Variants in UBE2E2 observed in about 807,000 individuals in gnomAD.
UBE2E2 encodes ubiquitin-conjugating enzyme E2 E2.
A neutral mutation model predicts 24.7 loss-of-function variants in UBE2E2; 6 were observed. The ratio of observed to expected loss-of-function variants is 0.24; its 90% CI spans 0.13 to 0.48. The LOEUF (loss-of-function observed/expected upper bound fraction) is 0.48, where lower values mean the gene tolerates loss of function less well. Among genes scored for constraint, UBE2E2 ranks in the 20% least tolerant of loss-of-function variants. The pLI is 0.99. For missense variants in UBE2E2, 169 were observed against 245.0 expected, an observed-to-expected ratio of 0.69 and a Z score of 2.07; for synonymous variants, 104 against 83.6, an observed-to-expected ratio of 1.24 and a Z score of -1.33.
intron 3 of UBE2E2, among the ~76,000 whole-genome samples, chr3:23,360,050 C>T (rs1696068795): frequency 6.6e-6 from 1 of 152,212 alleles, no homozygotes; most frequent in African/African-American, 2.4e-5. Context: ...ATTAGTTTTC[C>T]TTGGCAGTCT....
chr3:23,514,303 G>A (rs562269610), intron 4 of UBE2E2, among the ~76,000 whole-genome samples: 10 of 152,232 alleles, frequency 6.6e-5, no homozygotes, highest in South Asian at 6.2e-4. Context: ...TCTTTCTCAC[G>A]TTACCTTCTA....
chr3:23,225,765 T>A (rs772501828), intron 3 of UBE2E2, among the ~76,000 whole-genome samples: 8 of 152,198 alleles, frequency 5.3e-5, no homozygotes, highest in Non-Finnish European at 1.2e-4. Context: ...TTGTCTTAAC[T>A]CATTAGGTAA....
chr3:23,355,786 C>T (rs1695928304), intron 3 of UBE2E2, among the ~76,000 whole-genome samples: 1 of 152,112 alleles, frequency 6.6e-6, no homozygotes, highest in Non-Finnish European at 1.5e-5. Context: ...TTTTCTATAA[C>T]AGTTATTAAA....
chr3:23,558,429 T>C (rs1051278251), intron 5 of UBE2E2, among the ~76,000 whole-genome samples: 4 of 152,198 alleles, frequency 2.6e-5, no homozygotes, highest in East Asian at 1.9e-4. Context: ...TCTTTACAGC[T>C]TGATGCCCGA....
At chr3:23,224,940 T>G (rs1263480323) in intron 3 of UBE2E2, among the ~76,000 whole-genome samples, 1 of 151,984 alleles carries the variant, frequency 6.6e-6, no homozygotes, top group East Asian at 1.9e-4. Flanking sequence ...CTCCACAACT[T>G]TGGCAGCACT....
At chr3:23,573,225 A>G (rs546197538) in intron 5 of UBE2E2, among the ~76,000 whole-genome samples, 1 of 152,364 alleles carries the variant, frequency 6.6e-6, no homozygotes, top group East Asian at 1.9e-4. Flanking sequence ...GATAAAGTTA[A>G]CATTTCACAT....
At chr3:23,284,493 T>C (rs992855471) in intron 3 of UBE2E2, among the ~76,000 whole-genome samples, 4 of 152,088 alleles carry the variant, frequency 2.6e-5, no homozygotes, top group African/African-American at 9.7e-5. Flanking sequence ...AAGTGTGTCC[T>C]GGGCCGCAGT....
At chr3:23,300,519 A>G (rs1699043949) in intron 3 of UBE2E2, among the ~76,000 whole-genome samples, 1 of 152,090 alleles carries the variant, frequency 6.6e-6, no homozygotes, top group South Asian at 2.1e-4. Flanking sequence ...TCTGTAAAGT[A>G]TTTTATTTCT....
At chr3:23,476,178 T>G (rs1699130662) in intron 3 of UBE2E2, among the ~76,000 whole-genome samples, 1 of 152,116 alleles carries the variant, frequency 6.6e-6, no homozygotes, top group Non-Finnish European at 1.5e-5. Flanking sequence ...TTGGGTTGCC[T>G]TTCTATCTAC....
intron 3 of UBE2E2, among the ~76,000 whole-genome samples, chr3:23,332,056 T>A (rs1474416282): frequency 6.6e-6 from 1 of 152,238 alleles, no homozygotes; most frequent in African/African-American, 2.4e-5. Context: ...TTTAAAAAAT[T>A]TTAAAGTATG....
chr3:23,533,619 ATTTTTTTTTTTT>A (rs759984741), intron 5 of UBE2E2, among the ~76,000 whole-genome samples: 11 of 108,508 alleles, frequency 1.0e-4, no homozygotes, highest in African/African-American at 4.0e-4. Flanking sequence ...GCAAATTAGT[ATTTTTTTTTTTT>A]TTTTTTTTTT....
chr3:23,369,343 T>A (rs1457187365), intron 3 of UBE2E2, among the ~76,000 whole-genome samples: 1 of 152,192 alleles, frequency 6.6e-6, no homozygotes, highest in African/African-American at 2.4e-5. Flanking sequence ...TTTTACTGTT[T>A]GTCCTCTAAC....
chr3:23,543,867 A>T (rs1386224374), intron 5 of UBE2E2, among the ~76,000 whole-genome samples: 2 of 152,220 alleles, frequency 1.3e-5, no homozygotes, highest in African/African-American at 2.4e-5. Context: ...ATAAAAGTAG[A>T]TACATAAACC....
rs1294066347 is a variant in UBE2E2 at position 23,324,955 on chromosome 3, C to G, written c.227+107643C>G. On this transcript the variant is annotated intron_variant, in intron 3 of 5. Transcript: ENST00000396703. ...TGTGGTTTTATGTCTGTTCAACAAA[C>G]CACAGTGGAACTGAAATGAAACTAT... is the stretch of plus-strand genomic sequence containing the variant. 3.3e-5 allele frequency among the ~76,000 whole-genome samples: 5 copies of G among 152,204 alleles called. No individual in the cohort carries two copies. In the East Asian group the frequency reaches 9.6e-4, roughly 29 times the overall value.
intron 3 of UBE2E2, among the ~76,000 whole-genome samples, chr3:23,468,719 C>T (rs909221170): frequency 2.0e-5 from 3 of 152,158 alleles, no homozygotes; most frequent in African/African-American, 7.2e-5. Context: ...ATAAGTACAA[C>T]AGACTTGGAC....
intron 5 of UBE2E2, among the ~76,000 whole-genome samples, chr3:23,560,680 C>T (rs1425290428): frequency 6.6e-6 from 1 of 152,060 alleles, no homozygotes; most frequent in African/African-American, 2.4e-5. Flanking sequence ...TACAGTCCCA[C>T]CAACAGTGTA....
At chr3:23,553,370 C>T (rs549973790) in intron 5 of UBE2E2, among the ~76,000 whole-genome samples, 8 of 152,070 alleles carry the variant, frequency 5.3e-5, no homozygotes, top group African/African-American at 1.9e-4. Flanking sequence ...AAGCGGCATC[C>T]CACTGAAGAT....
In UBE2E2 at chr3:23,346,601, T is replaced by A. The variant is rs1013564621; in HGVS notation, c.227+129289T>A. ...GACTGTGTAATGCATTGCATATTAA[T>A]TAATAAGATGTTCTCTTTTAAATGC... On this transcript the variant is annotated intron_variant, in intron 3 of 5. Coordinates refer to ENST00000396703, the MANE Select transcript of UBE2E2 (RefSeq NM_152653.4). 7.9e-5 allele frequency among the ~76,000 whole-genome samples: 12 copies of A among 152,346 alleles called. 2 individuals carry two copies. The highest frequency in any genetic ancestry group is 2.0e-4 in the Admixed American group (3 of 15,308).
chr3:23,572,408 G>A (rs1413127827), intron 5 of UBE2E2, among the ~76,000 whole-genome samples: 1 of 152,098 alleles, frequency 6.6e-6, no homozygotes, highest in Non-Finnish European at 1.5e-5. Flanking sequence ...GTAGATTCAG[G>A]GAGTGCATAT....
Sources: gnomAD v4.1 joint callset for allele counts (sites outside exome capture counted in the v4.1 genomes callset) on GRCh38, gnomAD v4.1.1 for gene constraint, MANE v1.5 for transcripts, NCBI Gene and HGNC (gene_info 2026-07-23, HGNC 2026-07-21) for gene names.